SHC4: variants seen among roughly 807,000 people sequenced by gnomAD.
SHC4 encodes the protein SHC-transforming protein 4.
In SHC4, 41 loss-of-function variants were observed where a neutral mutation model predicts 69.4. The observed-to-expected ratio is 0.59, with a 90% CI of 0.46 to 0.77. The LOEUF (loss-of-function observed/expected upper bound fraction) is 0.77, where lower values mean the gene tolerates loss of function less well. Among genes scored for constraint, SHC4 ranks in the 30% least tolerant of loss-of-function variants. The pLI, the probability that SHC4 is intolerant of heterozygous loss-of-function variation, is 0.00. For missense variants in SHC4, 777 were observed against 783.8 expected, an observed-to-expected ratio of 0.99 and a Z score of 0.10; for synonymous variants, 318 against 299.3, an observed-to-expected ratio of 1.06 and a Z score of -0.64.
intron 1 of SHC4, among the ~76,000 whole-genome samples, chr15:48,939,875 T>C (rs964447599): frequency 6.6e-6 from 1 of 152,206 alleles, no homozygotes; most frequent in Non-Finnish European, 1.5e-5. Flanking sequence ...TCTGAAAGGT[T>C]AGGCAAAAAG....
intron 1 of SHC4, among the ~76,000 whole-genome samples, chr15:48,940,008 A>G (rs1038446196): frequency 6.6e-6 from 1 of 152,212 alleles, no homozygotes; most frequent in Non-Finnish European, 1.5e-5. Flanking sequence ...GCAACCCATC[A>G]TGGGGCAGCG....
At chr15:48,911,031 G>A (rs1567067616) in intron 2 of SHC4, among the ~76,000 whole-genome samples, 1 of 152,128 alleles carries the variant, frequency 6.6e-6, no homozygotes, top group East Asian at 1.9e-4. Context: ...TGAATAGAAT[G>A]TGTATTCTGC....
intron 1 of SHC4, among the ~76,000 whole-genome samples, chr15:48,961,127 C>G (rs1240952398): frequency 1.3e-5 from 2 of 152,200 alleles, no homozygotes; most frequent in Non-Finnish European, 2.9e-5. Flanking sequence ...CTCATTGCCT[C>G]ATACCTAAAC....
chr15:48,949,143 G>T (rs1385894318), intron 1 of SHC4, among the ~76,000 whole-genome samples: 1 of 151,958 alleles, frequency 6.6e-6, no homozygotes, highest in South Asian at 2.1e-4. Context: ...AGGCTGAGGC[G>T]GGTGGATCAT....
intron 4 of SHC4, among the ~76,000 whole-genome samples, chr15:48,883,548 A>G (rs1219244506): frequency 6.6e-6 from 1 of 152,240 alleles, no homozygotes; most frequent in Non-Finnish European, 1.5e-5. Context: ...CCTAACACAC[A>G]TACATAACCT....
intron 2 of SHC4, among the ~76,000 whole-genome samples, chr15:48,924,284 C>T (rs144229088): frequency 1.1e-4 from 16 of 152,300 alleles, no homozygotes; most frequent in Non-Finnish European, 1.3e-4. Flanking sequence ...TTCTTTCCGT[C>T]CTTGCTTTGG....
chr15:48,929,593 C>T (rs527842312), intron 1 of SHC4, among the ~76,000 whole-genome samples: 5 of 152,322 alleles, frequency 3.3e-5, no homozygotes, highest in African/African-American at 1.2e-4. Context: ...AGGAGTTATC[C>T]TGCTGGCTGC....
chr15:48,960,499 G>A lies in SHC4; in HGVS notation c.585+1932C>T, dbSNP rs543127827. On this transcript the variant is annotated intron_variant, in intron 1 of 11. Coordinates refer to ENST00000332408, the MANE Select transcript of SHC4 (RefSeq NM_203349.4). ...GTGCCATGTCACTGTGGGTGAGGGC[G>A]AGAGCTGCATGTCCCATACATTTAT... is the stretch of plus-strand genomic sequence containing the variant. Among the ~76,000 whole-genome samples, 5 of 152,300 alleles carry A rather than the reference G, an allele frequency of 3.3e-5. No homozygotes were observed. The South Asian group carries it at 6.2e-4, about 19-fold the overall frequency.
chr15:48,912,203 T>C (rs1017896868), intron 2 of SHC4, among the ~76,000 whole-genome samples: 1 of 152,182 alleles, frequency 6.6e-6, no homozygotes, highest in African/African-American at 2.4e-5. Context: ...AATTCTCTTC[T>C]TCCTCAGGAA....
chr15:48,861,310 G>A (rs1475884291), intron 6 of SHC4, among the ~76,000 whole-genome samples: 3 of 152,180 alleles, frequency 2.0e-5, no homozygotes, highest in African/African-American at 7.2e-5. Flanking sequence ...GTGTCTGTCT[G>A]TCTCCAGGCA....
At chr15:48,959,852 C>T (rs1901513128) in intron 1 of SHC4, among the ~76,000 whole-genome samples, 1 of 152,156 alleles carries the variant, frequency 6.6e-6, no homozygotes, top group South Asian at 2.1e-4. Flanking sequence ...GTGGTGAAGA[C>T]AGATAAGAAT....
intron 7 of SHC4, 61 bp from the exon 8 acceptor site, chr15:48,856,185 C>A: frequency 6.7e-7 from 1 of 1,495,676 alleles, no homozygotes; most frequent in African/African-American, 1.4e-5. Context: ...GTAAGGGATG[C>A]AAGGGGATCA....
intron 6 of SHC4, among the ~76,000 whole-genome samples, chr15:48,864,494 C>G (rs965740720): frequency 2.5e-4 from 29 of 115,964 alleles, no homozygotes; most frequent in African/African-American, 9.6e-4. Context: ...GTCGCCCAGG[C>G]TGGAGTGCAG....
rs779463637 is a variant in SHC4, at chr15:48,834,960, G to C, written c.1546C>G (p.His516Asp). The stretch of plus-strand genomic sequence containing the variant: ...TCGCTCCACAGCTGCTGCTTAATGT[G>C]TGGCAAAGAATGTGAGCTGGCAGGC... ...AQPASSHSLP[H>D]IKQQLWSEEC... The change falls in exon 11 of 12, where the codon CAC becomes GAC. Residue 516 changes from histidine to aspartate, a missense_variant. His to Asp is a moderately conservative substitution (Grantham distance 81). Coordinates refer to ENST00000332408, the MANE Select transcript of SHC4 (RefSeq NM_203349.4). 1 of 1,613,440 alleles carries C rather than the reference G, an allele frequency of 6.2e-7. No homozygotes were observed. The highest frequency in any genetic ancestry group is 2.2e-5 in the East Asian group (1 of 44,824).
At position 48,879,775 on chromosome 15, in the gene SHC4, T is replaced by C. The variant is rs1051676234; in HGVS notation, c.840+4473A>G. On this transcript the variant is annotated intron_variant, in intron 4 of 11. Coordinates refer to ENST00000332408, the MANE Select transcript of SHC4 (RefSeq NM_203349.4). ...GCTTGTTATTTGTCATGCACCAGCA[T>C]TGGAGATAATAAAATTTCTTGTTCT... is the stretch of plus-strand genomic sequence containing the variant. 5 of 167,232 alleles carry C rather than the reference T, an allele frequency of 3.0e-5. No homozygotes were observed. The South Asian group carries it at 1.0e-3, about 35-fold the overall frequency. 10.4% of individuals were successfully genotyped at this position (167,232 alleles called of 1,614,324 possible).
At chr15:48,872,988 C>T (rs938615630) in intron 4 of SHC4, among the ~76,000 whole-genome samples, 1 of 152,154 alleles carries the variant, frequency 6.6e-6, no homozygotes, top group Non-Finnish European at 1.5e-5. Flanking sequence ...AGATGACCAG[C>T]AATTTTATTC....
chr15:48,925,846 A>G (rs1567071622), intron 1 of SHC4, among the ~76,000 whole-genome samples: 1 of 152,198 alleles, frequency 6.6e-6, no homozygotes, highest in African/African-American at 2.4e-5. Flanking sequence ...CTGAAGAGGG[A>G]TGGTGTCAAT....
At chr15:48,889,741 G>T (rs140599897) in intron 3 of SHC4, among the ~76,000 whole-genome samples, 1 of 152,114 alleles carries the variant, frequency 6.6e-6, no homozygotes, top group Non-Finnish European at 1.5e-5. Context: ...CTACTCGGGG[G>T]GCTGAGGCAG....
At chr15:48,941,143 C>T (rs1385354997) in intron 1 of SHC4, among the ~76,000 whole-genome samples, 2 of 152,170 alleles carry the variant, frequency 1.3e-5, no homozygotes, top group Non-Finnish European at 2.9e-5. Context: ...AGGCAGAGAA[C>T]AGTCTACTAA....
Sources: allele counts gnomAD v4.1 joint callset (sites outside exome capture counted in the v4.1 genomes callset), GRCh38; gene constraint gnomAD v4.1.1; transcripts MANE v1.5; gene names NCBI Gene and HGNC (gene_info 2026-07-23, HGNC 2026-07-21).